Variants in LRRC4B observed in about 807,000 individuals in gnomAD.
LRRC4B encodes leucine rich repeat containing 4B, also known as leucine-rich repeat-containing protein 4B.
LRRC4B carries 1 observed loss-of-function variant against 7.3 expected under a neutral mutation model. The ratio of observed to expected loss-of-function variants is 0.14; its 90% CI spans 0.05 to 0.65. The LOEUF (loss-of-function observed/expected upper bound fraction) is 0.65, where lower values mean the gene tolerates loss of function less well. Among genes scored for constraint, LRRC4B ranks in the 30% least tolerant of loss-of-function variants. LRRC4B has a pLI of 0.84. For missense variants in LRRC4B, 730 were observed against 1,041.6 expected, an observed-to-expected ratio of 0.70 and a Z score of 4.12; for synonymous variants, 500 against 499.2, an observed-to-expected ratio of 1.00 and a Z score of -0.02.
rs907721729 is a variant in LRRC4B at position 50,519,465 on chromosome 19, TG to T, written c.298-51del. The T allele has an allele frequency of 2.0e-6, 3 of 1,485,756 alleles. No homozygotes were observed. The highest frequency in any genetic ancestry group is 2.8e-5 in the African/African-American group (2 of 71,828). The allele number at this position is 1,485,756 out of a possible 1,614,324, so 92.0% of individuals were successfully genotyped here. On this transcript the variant is annotated intron_variant, in intron 2 of 2. Transcript: ENST00000652263. This position sits in a 1 kb window ranked among gnomAD's most constrained non-coding sequence, Gnocchi z 8.1. ...GTCACGGAGATACTGACGGGGACCG[TG>T]GGGGGATCACCAAGGTCCCGGGCGC... is the stretch of plus-strand genomic sequence containing the variant.
At chr19:50,544,772 T>C (rs569331950) in intron 2 of LRRC4B, among the ~76,000 whole-genome samples, 93 of 152,050 alleles carry the variant, frequency 6.1e-4, no homozygotes, top group Middle Eastern at 3.4e-3. Context: ...AATACACTTA[T>C]GGCTGGGTTA....
At chr19:50,525,849 C>A (rs1446325665) in intron 2 of LRRC4B, among the ~76,000 whole-genome samples, 1 of 152,126 alleles carries the variant, frequency 6.6e-6, no homozygotes, top group African/African-American at 2.4e-5. Flanking sequence ...CAGCCCTCTG[C>A]CTCTCCCACC....
chr19:50,565,173 C>CG (rs1982588732), intron 1 of LRRC4B, among the ~76,000 whole-genome samples: 2 of 152,154 alleles, frequency 1.3e-5, no homozygotes, highest in South Asian at 4.1e-4. Flanking sequence ...CGCTGGCACT[C>CG]GGTTTGGTGT....
At chr19:50,534,361 T>A (rs941080938) in intron 2 of LRRC4B, among the ~76,000 whole-genome samples, 15 of 152,044 alleles carry the variant, frequency 9.9e-5, no homozygotes, top group Non-Finnish European at 1.0e-4. Flanking sequence ...TGACACAGAG[T>A]AGGATGGGCA....
intron 2 of LRRC4B, among the ~76,000 whole-genome samples, chr19:50,546,998 A>G (rs1436911499): frequency 6.6e-6 from 1 of 152,178 alleles, no homozygotes; most frequent in Non-Finnish European, 1.5e-5. Flanking sequence ...CTTGGTGCAG[A>G]GCCGGTGCTG....
chr19:50,536,137 C>CTT (rs36120704), intron 2 of LRRC4B, among the ~76,000 whole-genome samples: 38 of 144,992 alleles, frequency 2.6e-4, no homozygotes, highest in Admixed American at 1.4e-3. Context: ...GTTTACCTTC[C>CTT]TTTTTTTTTT....
At chr19:50,528,554 A>G (rs1310276932) in intron 2 of LRRC4B, among the ~76,000 whole-genome samples, 3 of 152,074 alleles carry the variant, frequency 2.0e-5, no homozygotes, top group Non-Finnish European at 4.4e-5. Flanking sequence ...CATGCTAGCC[A>G]GGTTGGTCTT....
At chr19:50,567,507 GCC>G (rs890270911) in intron 1 of LRRC4B, among the ~76,000 whole-genome samples, 1 of 150,878 alleles carries the variant, frequency 6.6e-6, no homozygotes, top group Non-Finnish European at 1.5e-5. Context: ...TCACTGGCGT[GCC>G]CCCCCCACCC....
At chr19:50,554,543 C>T (rs1023057034) in intron 1 of LRRC4B, among the ~76,000 whole-genome samples, 1 of 152,178 alleles carries the variant, frequency 6.6e-6, no homozygotes. Context: ...GGGCACCTGG[C>T]CCCAGTTGTC....
rs1337710720 is a variant in LRRC4B, at chr19:50,568,315, G to A, written c.-407C>T. Among the ~76,000 whole-genome samples, 2 of 150,240 alleles carry A rather than the reference G, an allele frequency of 1.3e-5. No individual in the cohort carries two copies. Among genetic ancestry groups the A allele is most frequent in the Non-Finnish European group, 3.0e-5 (2 of 67,296 alleles). On this transcript the variant is annotated 5_prime_UTR_variant, in exon 1 of 3. Coordinates refer to ENST00000652263, the MANE Select transcript of LRRC4B (RefSeq NM_001080457.2). ...TCCTTCCTCCCTCCTCGGGCCCGCCGGCGCCGCTCTCCCCCCACCCCACCC... is the reference window on the plus strand; with the variant it reads ...TCCTTCCTCCCTCCTCGGGCCCGCCAGCGCCGCTCTCCCCCCACCCCACCC...
chr19:50,565,617 C>A (rs549145927), intron 1 of LRRC4B, among the ~76,000 whole-genome samples: 1 of 152,198 alleles, frequency 6.6e-6, no homozygotes, highest in Admixed American at 6.5e-5. Context: ...CGCACGCTCC[C>A]ACTCTCTGTC....
rs777700032 is a variant in LRRC4B at position 50,518,762 on chromosome 19, G to A, written c.951C>T (p.Cys317=). ...HLNHNPWHCN[C]DVLWLSWWLK... is the part of the protein sequence containing the mutation. ...GCCACCAGCTCAGCCAGAGCACGTC[G>A]CAGTTGCAATGCCAGGGGTTGTGGT... Residue 317 remains cysteine (C), a synonymous_variant, in exon 3 of 3, where the codon TGC becomes TGT. Transcript: ENST00000652263. 6.2e-6 allele frequency: 10 copies of A among 1,614,056 alleles called. No homozygotes were observed. Among genetic ancestry groups the A allele is most frequent in the Non-Finnish European group, 8.5e-6 (10 of 1,179,970 alleles).
intron 2 of LRRC4B, among the ~76,000 whole-genome samples, chr19:50,530,897 C>A (rs898996450): frequency 4.2e-5 from 6 of 143,332 alleles, no homozygotes; most frequent in Non-Finnish European, 7.5e-5. Flanking sequence ...CCACCATGCA[C>A]GATTAATTTT....
At chr19:50,560,479 G>A (rs374670862) in intron 1 of LRRC4B, among the ~76,000 whole-genome samples, 1 of 152,324 alleles carries the variant, frequency 6.6e-6, no homozygotes, top group African/African-American at 2.4e-5. Flanking sequence ...TCTGATATCT[G>A]TGATGAGTTT....
chr19:50,564,094 C>T (rs1982552676), intron 1 of LRRC4B, among the ~76,000 whole-genome samples: 1 of 152,116 alleles, frequency 6.6e-6, no homozygotes, highest in South Asian at 2.1e-4. Context: ...AGGTTGCAAA[C>T]TCCTCTGTCT....
Position 50,517,825 on chromosome 19 carries a change from C to T in LRRC4B, c.1888G>A (p.Val630Met), listed in dbSNP as rs778728839. ...VEDELPAASA[V>M]SVAAAAAVAS... ...ACGGCGGCCGCGGCGGCCACGGACA[C>T]GGCCGAGGCGGCGGGCAGCTCGTCC... The change falls in exon 3 of 3, where the codon GTG (valine) becomes ATG (methionine). Residue 630 changes from valine to methionine, a missense_variant. Coordinates refer to ENST00000652263, the MANE Select transcript of LRRC4B (RefSeq NM_001080457.2). The surrounding 1 kb of genome is among the most constrained non-coding windows in gnomAD (Gnocchi z 6.6). The T allele has an allele frequency of 7.6e-6, 12 of 1,568,690 alleles. No individual in the cohort carries two copies. The highest frequency in any genetic ancestry group is 4.6e-5 in the East Asian group (2 of 43,486).
chr19:50,564,886 C>A (rs1315102222), intron 1 of LRRC4B, among the ~76,000 whole-genome samples: 1 of 151,532 alleles, frequency 6.6e-6, no homozygotes, highest in Non-Finnish European at 1.5e-5. Flanking sequence ...CCCCCGCCCC[C>A]AATCCCCAAC....
At position 50,518,562 on chromosome 19, in the gene LRRC4B, T is replaced by C. The variant is rs757356829; in HGVS notation, c.1151A>G (p.Lys384Arg). 4 of 1,590,396 alleles carry C rather than the reference T, an allele frequency of 2.5e-6. No homozygotes were observed. The highest frequency in any genetic ancestry group is 3.4e-6 in the Non-Finnish European group (4 of 1,165,782). ...NVTEGMAAELKCRTGTSMTSV... is the reference protein window; with the variant it reads ...NVTEGMAAELRCRTGTSMTSV... ...GGTCATGGAGGTGCCCGTGCGGCAT[T>C]TGAGCTCGGCAGCCATGCCCTCGGT... is the stretch of plus-strand genomic sequence containing the variant. Residue 384 changes from lysine to arginine, a missense_variant, in exon 3 of 3, where the codon AAA becomes AGA. Transcript: ENST00000652263.
intron 1 of LRRC4B, among the ~76,000 whole-genome samples, chr19:50,565,530 T>C (rs1419280311): frequency 3.2e-5 from 2 of 62,030 alleles, no homozygotes; most frequent in Non-Finnish European, 8.7e-5. Context: ...TGCTCTCGTG[T>C]GTGTGTGTGT....
Sources: allele counts gnomAD v4.1 joint callset (sites outside exome capture counted in the v4.1 genomes callset), GRCh38; gene constraint gnomAD v4.1.1; non-coding constraint Gnocchi (gnomAD v3.1); transcripts MANE v1.5; gene names NCBI Gene and HGNC (gene_info 2026-07-23, HGNC 2026-07-21).